R3HDM2: variants seen among roughly 807,000 people sequenced by gnomAD.
R3HDM2 encodes R3H domain-containing protein 2.
In R3HDM2, 38 loss-of-function variants were observed where a neutral mutation model predicts 124.5. That is an observed-to-expected ratio of 0.31 (90% confidence interval 0.24 to 0.40). The LOEUF is 0.40. Among genes scored for constraint, R3HDM2 ranks in the 10% least tolerant of loss-of-function variants. The probability of loss-of-function intolerance (pLI) is 1.00; values close to 1 mark genes in which losing one functional copy is unlikely to be tolerated. For missense variants in R3HDM2, 869 were observed against 1,236.9 expected (o/e 0.70, Z 4.46); for synonymous variants, 391 against 448.0 (o/e 0.87, Z 1.61).
chr12:57,317,853 G>A (rs578242475), intron 2 of R3HDM2, among the ~76,000 whole-genome samples: 2 of 151,374 alleles, frequency 1.3e-5, no homozygotes, highest in East Asian at 2.0e-4. Flanking sequence ...GGTGGGGGGT[G>A]CCTGTAATCC....
intron 1 of R3HDM2, among the ~76,000 whole-genome samples, chr12:57,397,511 T>C (rs2067665923): frequency 6.6e-6 from 1 of 152,220 alleles, no homozygotes; most frequent in Non-Finnish European, 1.5e-5. Context: ...GAAAAAGTTC[T>C]AGTTTTTTTT....
chr12:57,326,389 A>G (rs192726701), intron 2 of R3HDM2, among the ~76,000 whole-genome samples: 53 of 152,362 alleles, frequency 3.5e-4, no homozygotes, highest in Non-Finnish European at 6.5e-4. Context: ...ATGCAAAGGA[A>G]AAGTTCTTGA....
At chr12:57,426,988 G>A (rs534420561) in intron 1 of R3HDM2, among the ~76,000 whole-genome samples, 20 of 152,248 alleles carry the variant, frequency 1.3e-4, no homozygotes, top group African/African-American at 4.6e-4. Context: ...CTGAGGATAC[G>A]GAAATTAATA....
At chr12:57,335,247 AC>A (rs1192576950) in intron 2 of R3HDM2, among the ~76,000 whole-genome samples, 4 of 151,672 alleles carry the variant, frequency 2.6e-5, no homozygotes, top group South Asian at 4.2e-4. Context: ...TTGCTCTGTC[AC>A]CCAGGCTGGA....
At chr12:57,270,405 GTT>G (rs1302682617) in intron 14 of R3HDM2, among the ~76,000 whole-genome samples, 2 of 50,890 alleles carry the variant, frequency 3.9e-5, no homozygotes, top group Non-Finnish European at 1.1e-4. Context: ...ATTTTGTTTT[GTT>G]TTGTTTTGTT....
chr12:57,297,337 T>A lies in R3HDM2; in HGVS notation c.551A>T (p.Asn184Ile). Residue 184 changes from asparagine (N) to isoleucine (I), a missense_variant, in exon 8 of 24, where the codon AAT becomes ATT. Asn to Ile is a moderately radical substitution (Grantham distance 149). Around this residue, in one of 2 missense-constraint regions of R3HDM2, gnomAD observed 267 missense variants for 447.7 expected, o/e 0.60. Coordinates refer to ENST00000402412, the MANE Select transcript of R3HDM2 (RefSeq NM_001394031.1). ...CATGCAAGTAACTTACTTGTTGTCA[T>A]TAATAAATTCCAGAATCTCCTGTTC... ...KLEQEILEFI[N>I]DNNNQFKKFP... 6.7e-7 allele frequency: 1 copy of A among 1,503,340 alleles called. No homozygotes were observed. The allele number at this position is 1,503,340 out of a possible 1,614,324, so 93.1% of individuals were successfully genotyped here.
chr12:57,255,972 C>T lies in R3HDM2; in HGVS notation c.2632+18G>A. The T allele has an allele frequency of 3.1e-6, 5 of 1,605,144 alleles. No individual in the cohort carries two copies. The highest frequency in any genetic ancestry group is 4.3e-6 in the Non-Finnish European group (5 of 1,175,456). ...GGGTGGGCACCTTCTCTTGGGGATT[C>T]AGCATCCCGTGACTCACCAACATCT... is the stretch of plus-strand genomic sequence containing the variant. On this transcript the variant is annotated intron_variant, in intron 23 of 23. Coordinates refer to ENST00000402412, the MANE Select transcript of R3HDM2 (RefSeq NM_001394031.1).
At chr12:57,292,236 G>A (rs1385782859) in intron 11 of R3HDM2, among the ~76,000 whole-genome samples, 1 of 152,194 alleles carries the variant, frequency 6.6e-6, no homozygotes, top group Non-Finnish European at 1.5e-5. Context: ...GTGAAAGAGG[G>A]TAAGCAGAAG....
chr12:57,367,025 T>G (rs2062748878), intron 2 of R3HDM2, among the ~76,000 whole-genome samples: 1 of 152,194 alleles, frequency 6.6e-6, no homozygotes, highest in Non-Finnish European at 1.5e-5. Context: ...AGAAATAGTT[T>G]GATCCTTCTG....
intron 14 of R3HDM2, chr12:57,272,489 G>C (rs1220086448): frequency 1.9e-6 from 3 of 1,550,574 alleles, no homozygotes; most frequent in East Asian, 2.4e-5. Flanking sequence ...CTGGCAGAAG[G>C]ACTTGGGGAC....
chr12:57,423,705 G>A (rs1427098461), intron 1 of R3HDM2, among the ~76,000 whole-genome samples: 6 of 148,144 alleles, frequency 4.1e-5, no homozygotes, highest in African/African-American at 7.5e-5. Flanking sequence ...CCAGCTACTC[G>A]GGAGGCTGAG....
chr12:57,303,633 T>A (rs868747969), intron 3 of R3HDM2, among the ~76,000 whole-genome samples: 4 of 148,882 alleles, frequency 2.7e-5, no homozygotes, highest in Middle Eastern at 3.5e-3. Context: ...AAAAAAAAAA[T>A]TAGCCATGTG....
rs1490865742 is a variant in R3HDM2 at position 57,299,451 on chromosome 12, G to C, written c.322C>G (p.Pro108Ala). 9 of 1,545,770 alleles carry C rather than the reference G, an allele frequency of 5.8e-6. No individual in the cohort carries two copies. Among genetic ancestry groups the C allele is most frequent in the African/African-American group, 1.4e-5 (1 of 72,850 alleles). Reference sequence around the variant, plus strand: ...GACTTTTCTTCCTCCTTGTCAGAAGGGCAACTGATGTGCAATTGAATTATA... The same window carrying C: ...GACTTTTCTTCCTCCTTGTCAGAAGCGCAACTGATGTGCAATTGAATTATA... ...QDIIQLHISC[P>A]SDKEEEKSTK... is the part of the protein sequence containing the mutation. Residue 108 changes from proline (P) to alanine (A), a missense_variant, in exon 6 of 24, where the codon CCT becomes GCT. By Grantham distance (27) the Pro-to-Ala change is conservative. Transcript: ENST00000402412.
chr12:57,411,680 T>C (rs2139300331), intron 1 of R3HDM2, among the ~76,000 whole-genome samples: 1 of 152,356 alleles, frequency 6.6e-6, no homozygotes, highest in East Asian at 1.9e-4. Context: ...GTGATTTTGA[T>C]ATACCAGATC....
intron 2 of R3HDM2, among the ~76,000 whole-genome samples, chr12:57,342,915 C>A (rs951361802): frequency 6.6e-6 from 1 of 152,044 alleles, no homozygotes; most frequent in African/African-American, 2.4e-5. Flanking sequence ...CACAGGATAC[C>A]AGTAGCTATC....
chr12:57,285,840 T>A (rs2047213994), intron 12 of R3HDM2, among the ~76,000 whole-genome samples: 1 of 152,138 alleles, frequency 6.6e-6, no homozygotes, highest in South Asian at 2.1e-4. Context: ...CTACTAGAGG[T>A]AGACAGTGAA....
At chr12:57,280,569 A>G (rs2045887216) in intron 13 of R3HDM2, 39 bp from the exon 14 acceptor site, 1 of 1,546,492 alleles carries the variant, frequency 6.5e-7, no homozygotes, top group Non-Finnish European at 8.8e-7. Flanking sequence ...TTGTAAGCAT[A>G]AGCCACGAAC....
At chr12:57,272,044 G>A (rs952574208) in intron 14 of R3HDM2, among the ~76,000 whole-genome samples, 12 of 152,140 alleles carry the variant, frequency 7.9e-5, no homozygotes, top group Admixed American at 6.5e-4. Flanking sequence ...ACAGGTGTGT[G>A]CCACCACGCC....
intron 20 of R3HDM2, 52 bp from the exon 21 acceptor site, chr12:57,258,189 A>G: frequency 7.2e-7 from 1 of 1,390,720 alleles, no homozygotes; most frequent in Non-Finnish European, 9.5e-7. Flanking sequence ...TACCCTCTGG[A>G]TATTCCTATG....
Sources: allele counts gnomAD v4.1 joint callset (sites outside exome capture counted in the v4.1 genomes callset), GRCh38; gene constraint gnomAD v4.1.1; regional missense constraint gnomAD v4.1.1; transcripts MANE v1.5; gene names NCBI Gene and HGNC (gene_info 2026-07-23, HGNC 2026-07-21).